SMARCB1: variants seen among roughly 807,000 people sequenced by gnomAD.
SMARCB1 encodes the protein SWI/SNF related BAF chromatin remodeling complex subunit B1.
In SMARCB1, 5 loss-of-function variants were observed where a neutral mutation model predicts 49.0. The ratio of observed to expected loss-of-function variants is 0.10; its 90% CI spans 0.05 to 0.21. The LOEUF is 0.21. Among genes scored for constraint, SMARCB1 ranks in the 10% least tolerant of loss-of-function variants. The pLI is 1.00. For missense variants in SMARCB1, 226 were observed against 509.2 expected, an observed-to-expected ratio of 0.44 and a Z score of 5.35; for synonymous variants, 201 against 200.1, an observed-to-expected ratio of 1.00 and a Z score of -0.04.
intron 3 of SMARCB1, among the ~76,000 whole-genome samples, chr22:23,793,984 G>C (rs113838604): frequency 6.6e-6 from 1 of 151,932 alleles, no homozygotes; most frequent in Non-Finnish European, 1.5e-5. Flanking sequence ...CACTCTTGTT[G>C]CCCAGGATGG....
intron 5 of SMARCB1, among the ~76,000 whole-genome samples, chr22:23,811,183 T>A (rs1429254358): frequency 1.3e-5 from 2 of 152,046 alleles, no homozygotes; most frequent in African/African-American, 2.4e-5. Flanking sequence ...GATAAGTTCA[T>A]CAAGACATAG....
chr22:23,821,949 C>T (rs1416385616), intron 6 of SMARCB1, among the ~76,000 whole-genome samples: 2 of 152,162 alleles, frequency 1.3e-5, no homozygotes, highest in Admixed American at 1.3e-4. Context: ...GCAACTCTTC[C>T]ACCTTGGCCT....
At chr22:23,809,822 T>A (rs1256712688) in intron 5 of SMARCB1, among the ~76,000 whole-genome samples, 1 of 152,116 alleles carries the variant, frequency 6.6e-6, no homozygotes, top group Non-Finnish European at 1.5e-5. Flanking sequence ...CCAGTGACAA[T>A]ATTGTTCAGG....
chr22:23,824,398 C>CT (rs2030263123), intron 6 of SMARCB1: 1 of 152,516 alleles, frequency 6.6e-6, no homozygotes, highest in Admixed American at 6.5e-5. Context: ...GCCCCACACT[C>CT]TAATGGGAGG....
rs1395817973 is a variant in SMARCB1 at position 23,835,724 on chromosome 22, C to G, written c.*1544C>G. On this transcript the variant is annotated 3_prime_UTR_variant, in exon 9 of 9. Transcript: ENST00000644036. ...TCATTGCTGAGGTGTTTGTTCTGTC[C>G]ATGAGGTAGGAACCTCGGCAATGAA... 2.0e-6 allele frequency: 2 copies of G among 985,376 alleles called. No individual in the cohort carries two copies. Among genetic ancestry groups the G allele is most frequent in the African/African-American group, 1.7e-5 (1 of 57,254 alleles). The allele number at this position is 985,376 out of a possible 1,614,324, so 61.0% of individuals were successfully genotyped here.
Position 23,787,253 on chromosome 22 carries a change from C to T in SMARCB1, c.84C>T (p.Ile28=). ...QLEDDGEFYM[I]GSEVGNYLRM... ...AGGACGACGGCGAGTTCTACATGAT[C>T]GGCTCCGAGGTAGCCCGGGGCGCGT... Residue 28 remains isoleucine, a synonymous_variant, in exon 1 of 9, where the codon ATC becomes ATT. Transcript: ENST00000644036. 1 of 1,599,220 alleles carries T rather than the reference C, an allele frequency of 6.3e-7. No individual in the cohort carries two copies. The highest frequency in any genetic ancestry group is 1.1e-5 in the South Asian group (1 of 90,212).
At position 23,787,094 on chromosome 22, in the gene SMARCB1, C is replaced by G. The variant is rs1311013826; in HGVS notation, c.-76C>G. On this transcript the variant is annotated 5_prime_UTR_variant, in exon 1 of 9. Coordinates refer to ENST00000644036, the MANE Select transcript of SMARCB1 (RefSeq NM_003073.5). ...CCTTCCGGCTTCGGTTTCCCTCGGC[C>G]CAGCACGCCCCGGCCCCGCCCCAGC... 1.0e-6 allele frequency: 1 copy of G among 953,458 alleles called. No individual in the cohort carries two copies. Among genetic ancestry groups the G allele is most frequent in the Non-Finnish European group, 1.7e-6 (1 of 596,358 alleles). 59.1% of individuals were successfully genotyped at this position (953,458 alleles called of 1,614,324 possible). A position where few individuals can be genotyped will look rare whatever the true frequency, so the allele number is the denominator to read the frequency against.
At chr22:23,812,662 T>C (rs533044540) in intron 5 of SMARCB1, among the ~76,000 whole-genome samples, 1 of 152,194 alleles carries the variant, frequency 6.6e-6, no homozygotes, top group African/African-American at 2.4e-5. Context: ...GATGGAAGGC[T>C]GGGTCAATAT....
chr22:23,834,538 A>T lies in SMARCB1; in HGVS notation c.*358A>T, dbSNP rs2030882817. 3 of 699,532 alleles carry T rather than the reference A, an allele frequency of 4.3e-6. No homozygotes were observed. The highest frequency in any genetic ancestry group is 2.0e-5 in the Admixed American group (1 of 49,732). 43.3% of individuals were successfully genotyped at this position (699,532 alleles called of 1,614,324 possible). The stretch of plus-strand genomic sequence containing the variant: ...TCAACAGGTCATGTTCAATTTCTTC[A>T]AAGTTTTAACATAAAAATAATGAGA... On this transcript the variant is annotated 3_prime_UTR_variant, in exon 9 of 9. Transcript: ENST00000644036.
intron 1 of SMARCB1, among the ~76,000 whole-genome samples, chr22:23,791,181 C>G (rs2073388): frequency 0.92 from 139,734 of 152,266 alleles, 64,268 homozygotes; most frequent in Middle Eastern, 0.97. Context: ...TCAGTATTTG[C>G]TACAAGCAAA....
intron 5 of SMARCB1, chr22:23,815,277 G>C (rs539816874): frequency 6.6e-6 from 1 of 152,142 alleles, no homozygotes; most frequent in Non-Finnish European, 1.5e-5. Context: ...GCTCACACCT[G>C]TAATCCCAGC....
chr22:23,818,158 G>C (rs991258011), intron 6 of SMARCB1: 13 of 130,420 alleles, frequency 1.0e-4, no homozygotes, highest in Admixed American at 3.9e-4. Context: ...GTGTGTGTGT[G>C]TGTGTGTGTG....
chr22:23,801,809 A>C (rs1929173335), intron 4 of SMARCB1: 1 of 201,350 alleles, frequency 5.0e-6, no homozygotes, highest in South Asian at 8.7e-5. Context: ...GCTGACAGTC[A>C]CAGGTTTTGG....
rs761543459 is a variant in SMARCB1, at chr22:23,834,419, C to T, written c.*239C>T. 1 of 661,440 alleles carries T rather than the reference C, an allele frequency of 1.5e-6. No individual in the cohort carries two copies. The highest frequency in any genetic ancestry group is 1.5e-5 in the South Asian group (1 of 65,726). 41.0% of individuals were successfully genotyped at this position (661,440 alleles called of 1,614,324 possible). ...CCAGTCTCTGGGGTCAGGAAGAAAC[C>T]TTATTTTAGGTTGTGTTTTGTTTTT... On this transcript the variant is annotated 3_prime_UTR_variant, in exon 9 of 9. Transcript: ENST00000644036.
At chr22:23,791,643 T>C in intron 1 of SMARCB1, 113 bp from the exon 2 acceptor site, 1 of 1,028,206 alleles carries the variant, frequency 9.7e-7, no homozygotes, top group Non-Finnish European at 1.5e-6. Flanking sequence ...GCGTGGCGCC[T>C]GGGGGCCACC....
In SMARCB1 at chr22:23,793,361, T is replaced by C; in HGVS notation, c.233-198T>C. The C allele has an allele frequency of 5.7e-6, 4 of 695,906 alleles. No individual in the cohort carries two copies. The South Asian group carries it at 6.2e-5, about 11-fold the overall frequency. 43.1% of individuals were successfully genotyped at this position (695,906 alleles called of 1,614,324 possible). ...TCCAAATCAGTCCCATTGGAGGCTC[T>C]ACCCAGCAGGACTTGTAAGTAAAGC... On this transcript the variant is annotated intron_variant, in intron 2 of 8. Transcript: ENST00000644036.
At chr22:23,832,120 G>A (rs920159793) in intron 7 of SMARCB1, among the ~76,000 whole-genome samples, 10 of 152,272 alleles carry the variant, frequency 6.6e-5, no homozygotes, top group African/African-American at 2.2e-4. Context: ...AACCTGGAAC[G>A]GGCTCACGGC....
At chr22:23,801,326 G>A (rs1185767683) in intron 4 of SMARCB1, 8 of 708,148 alleles carry the variant, frequency 1.1e-5, no homozygotes, top group Non-Finnish European at 1.8e-5. Context: ...CTCAAGTGGA[G>A]TTACTCAGGG....
chr22:23,827,221 T>C (rs936938066), intron 7 of SMARCB1, among the ~76,000 whole-genome samples: 2 of 152,200 alleles, frequency 1.3e-5, no homozygotes, highest in Non-Finnish European at 2.9e-5. Context: ...ATCCAGCCCC[T>C]ACGGTGTTGA....
Sources: allele counts gnomAD v4.1 joint callset (sites outside exome capture counted in the v4.1 genomes callset), GRCh38; gene constraint gnomAD v4.1.1; transcripts MANE v1.5; gene names NCBI Gene and HGNC (gene_info 2026-07-23, HGNC 2026-07-21).